ZNG1C: variants seen among roughly 807,000 people sequenced by gnomAD.
ZNG1C encodes zinc-regulated GTPase metalloprotein activator 1C.
the ZNG1C span, chr9:68,259,549 T>TC: frequency 4.4e-6 from 2 of 452,576 alleles, no homozygotes; most frequent in Non-Finnish European, 7.5e-6. Flanking sequence ...TCTCACTCTG[T>TC]TGCCCAGGCT....
the ZNG1C span, among the ~76,000 whole-genome samples, chr9:68,276,166 G>A: frequency 7.7e-6 from 1 of 129,802 alleles, no homozygotes; most frequent in East Asian, 2.0e-4. Flanking sequence ...CTTTTTTCTT[G>A]TAAATTTGTT....
the ZNG1C span, among the ~76,000 whole-genome samples, chr9:68,294,423 A>G: frequency 3.8e-4 from 23 of 59,998 alleles, no homozygotes; most frequent in East Asian, 6.7e-3. Context: ...AAGATTAGCC[A>G]AGAAAAGAGA....
At chr9:68,290,128 T>G in the ZNG1C span, among the ~76,000 whole-genome samples, 1 of 100,304 alleles carries the variant, frequency 1.0e-5, no homozygotes, top group African/African-American at 4.2e-5. Flanking sequence ...AAGAGTTTAT[T>G]GGTGTAGGAA....
the ZNG1C span, among the ~76,000 whole-genome samples, chr9:68,246,836 A>AG: frequency 2.4e-5 from 1 of 42,166 alleles, no homozygotes; most frequent in Admixed American, 2.8e-4. Context: ...CTAAAAGTTT[A>AG]GGTTTTTTTT....
At chr9:68,276,563 T>G in the ZNG1C span, among the ~76,000 whole-genome samples, 4 of 150,092 alleles carry the variant, frequency 2.7e-5, no homozygotes, top group African/African-American at 9.9e-5. Flanking sequence ...AAATAGGGAA[T>G]CCTTTCCCCA....
At chr9:68,281,044 G>A in the ZNG1C span, among the ~76,000 whole-genome samples, 7 of 129,446 alleles carry the variant, frequency 5.4e-5, no homozygotes, top group Non-Finnish European at 5.0e-5. Flanking sequence ...CCTGGTGCGC[G>A]GTTTTTTAAG....
chr9:68,256,230 T>C, the ZNG1C span, among the ~76,000 whole-genome samples: 1 of 148,738 alleles, frequency 6.7e-6, no homozygotes, highest in African/African-American at 2.5e-5. Context: ...TCAAATACTT[T>C]CCTTGCTGTC....
the ZNG1C span, among the ~76,000 whole-genome samples, chr9:68,260,152 GA>G: frequency 6.6e-6 from 1 of 150,704 alleles, no homozygotes; most frequent in Middle Eastern, 3.2e-3. Context: ...TATTCATTTT[GA>G]ATGTTTATTA....
At chr9:68,299,345 G>T in the ZNG1C span, 9 of 593,460 alleles carry the variant, frequency 1.5e-5, no homozygotes, top group Admixed American at 3.0e-5. Context: ...GAAAGTTAAA[G>T]ATGGAATCAC....
At chr9:68,299,242 A>C in the ZNG1C span, 1 of 1,560,130 alleles carries the variant, frequency 6.4e-7, no homozygotes, top group African/African-American at 1.4e-5. Flanking sequence ...TCACATTACA[A>C]CGTTCGTAAA....
the ZNG1C span, among the ~76,000 whole-genome samples, chr9:68,247,042 G>C: frequency 5.3e-5 from 8 of 149,892 alleles, no homozygotes; most frequent in South Asian, 6.3e-4. Context: ...TTGTGTTAGC[G>C]AGGGTGGTCT....
At chr9:68,259,635 C>G in the ZNG1C span, among the ~76,000 whole-genome samples, 1 of 150,730 alleles carries the variant, frequency 6.6e-6, no homozygotes, top group African/African-American at 2.4e-5. Context: ...TCTCAGCCTC[C>G]TGAGTATCTG....
At chr9:68,247,356 A>T in the ZNG1C span, among the ~76,000 whole-genome samples, 3 of 150,872 alleles carry the variant, frequency 2.0e-5, no homozygotes, top group East Asian at 6.0e-4. Flanking sequence ...GTGGCCAAGT[A>T]AGAGGCCTAA....
the ZNG1C span, among the ~76,000 whole-genome samples, chr9:68,276,387 T>C: frequency 8.5e-6 from 1 of 118,124 alleles, no homozygotes; most frequent in African/African-American, 3.2e-5. Context: ...CCCATGCCTA[T>C]GTCCTGAATG....
chr9:68,290,867 G>A, the ZNG1C span, among the ~76,000 whole-genome samples: 2 of 147,848 alleles, frequency 1.4e-5, no homozygotes, highest in Admixed American at 1.4e-4. Flanking sequence ...AATAGAGTAT[G>A]TTTATTAAGA....
chr9:68,264,855 A>ATGTGTGTG, the ZNG1C span, among the ~76,000 whole-genome samples: 1 of 72,246 alleles, frequency 1.4e-5, no homozygotes, highest in African/African-American at 5.1e-5. Flanking sequence ...ATATATATAT[A>ATGTGTGTG]TGTATAATAA....
chr9:68,251,105 C>CAAA, the ZNG1C span: 1 of 218,356 alleles, frequency 4.6e-6, no homozygotes, highest in African/African-American at 3.7e-5. Context: ...AAAAAAAAAG[C>CAAA]TGTGTTTATA....
the ZNG1C span, among the ~76,000 whole-genome samples, chr9:68,296,575 A>ATGAT: frequency 6.6e-6 from 1 of 152,284 alleles, no homozygotes; most frequent in African/African-American, 2.4e-5. Flanking sequence ...GTAAGCCTGT[A>ATGAT]TGATTATGTA....
the ZNG1C span, among the ~76,000 whole-genome samples, chr9:68,291,783 G>A: frequency 8.6e-5 from 13 of 151,786 alleles, no homozygotes; most frequent in East Asian, 7.8e-4. Context: ...GTTTTTGGGC[G>A]TTCTAGAGCC....
Sources: gnomAD v4.1 joint callset for allele counts (sites outside exome capture counted in the v4.1 genomes callset) on GRCh38, gnomAD v4.1.1 for gene constraint, MANE v1.5 for transcripts, NCBI Gene and HGNC (gene_info 2026-07-23, HGNC 2026-07-21) for gene names.